The following ALG8 variants were observed in gnomAD, a reference collection of about 807,000 sequenced individuals.
ALG8 encodes ALG8 alpha-1,3-glucosyltransferase, also known as dolichyl pyrophosphate Glc1Man9GlcNAc2 alpha-1,3-glucosyltransferase.
ALG8 carries 48 observed loss-of-function variants against 70.2 expected under a neutral mutation model. That is an observed-to-expected ratio of 0.68 (90% confidence interval 0.54 to 0.87). The LOEUF is 0.87. Ranked by LOEUF, ALG8 falls within the 40% of genes least tolerant of loss-of-function variation. The pLI is 0.00. For missense variants in ALG8, 572 were observed against 608.7 expected, an observed-to-expected ratio of 0.94 and a Z score of 0.64; for synonymous variants, 234 against 229.0, an observed-to-expected ratio of 1.02 and a Z score of -0.20.
chr11:78,120,952 C>T, intron 4 of ALG8, 113 bp downstream of exon 4: 1 of 1,007,508 alleles, frequency 9.9e-7, no homozygotes, highest in Non-Finnish European at 1.5e-6. Context: ...ACCCACCCCA[C>T]ACTCATTTTC....
At chr11:78,130,344 GTC>G (rs1313681713) in intron 1 of ALG8, among the ~76,000 whole-genome samples, 64 of 4,140 alleles carry the variant, frequency 0.015, no homozygotes, top group Non-Finnish European at 0.028. Flanking sequence ...GCAAGACCCG[GTC>G]TCAAAAAAAA....
intron 1 of ALG8, among the ~76,000 whole-genome samples, chr11:78,127,763 G>GTAGT (rs1477004299): frequency 6.7e-6 from 1 of 149,124 alleles, no homozygotes; most frequent in Non-Finnish European, 1.5e-5. Flanking sequence ...AGGCTGGAGT[G>GTAGT]TAGTGGACCC....
At position 78,121,065 on chromosome 11, in the gene ALG8, G is replaced by A. The variant is rs763583384; in HGVS notation, c.478C>T (p.His160Tyr). 4.4e-6 allele frequency: 7 copies of A among 1,608,448 alleles called. No individual in the cohort carries two copies. Among genetic ancestry groups the A allele is most frequent in the East Asian group, 2.2e-5 (1 of 44,832 alleles). The change falls in exon 4 of 13, where the codon CAT becomes TAT. Residue 160 changes from histidine (H) to tyrosine (Y), a missense_variant and splice_region_variant. His to Tyr is a moderately conservative substitution (Grantham distance 83). Coordinates refer to ENST00000299626, the MANE Select transcript of ALG8 (RefSeq NM_024079.5). ...LWNFGLLIVDHIHFQYNGFLF... is the reference protein window; with the variant it reads ...LWNFGLLIVDYIHFQYNGFLF... Reference sequence around the variant, plus strand: ...ATAGTACATAGAATATCAAGGATACGGTCCACAATTAATAACCCGAAGTTC... The same window carrying A: ...ATAGTACATAGAATATCAAGGATACAGTCCACAATTAATAACCCGAAGTTC...
At chr11:78,130,361 A>AAAAAAAATAGAAAAGAAAAGAAAG (rs928560857) in intron 1 of ALG8, among the ~76,000 whole-genome samples, 1 of 132,636 alleles carries the variant, frequency 7.5e-6, no homozygotes, top group African/African-American at 3.2e-5. Context: ...AAAAAAAAAA[A>AAAAAAAATAGAAAAGAAAAGAAAG]AAAAAAGGTG....
chr11:78,127,578 A>G, intron 1 of ALG8, 142 bp from the exon 2 acceptor site: 1 of 751,054 alleles, frequency 1.3e-6, no homozygotes, highest in Non-Finnish European at 2.3e-6. Context: ...TAGACATTAC[A>G]TAATCCTGTA....
At chr11:78,111,211 T>G (rs1860272427) in intron 8 of ALG8, among the ~76,000 whole-genome samples, 1 of 152,192 alleles carries the variant, frequency 6.6e-6, no homozygotes, top group Admixed American at 6.5e-5. Context: ...CTTACTACTT[T>G]TAGCCCCCTG....
At chr11:78,106,557 A>G (rs1860041838) in intron 10 of ALG8, among the ~76,000 whole-genome samples, 1 of 152,164 alleles carries the variant, frequency 6.6e-6, no homozygotes, top group African/African-American at 2.4e-5. Context: ...GCCGGCTTTC[A>G]TGGTACTTAA....
At chr11:78,112,564 T>G (rs551226495) in intron 8 of ALG8, 86 bp downstream of exon 8, 1 of 1,584,904 alleles carries the variant, frequency 6.3e-7, no homozygotes, top group South Asian at 1.1e-5. Flanking sequence ...TCAGCCACAT[T>G]CAAAACACAA....
chr11:78,129,244 C>A (rs538481658), intron 1 of ALG8, among the ~76,000 whole-genome samples: 2 of 151,808 alleles, frequency 1.3e-5, no homozygotes, highest in East Asian at 2.0e-4. Context: ...CATGGTGAAA[C>A]CCCATCTCTA....
intron 1 of ALG8, among the ~76,000 whole-genome samples, chr11:78,128,109 A>G (rs1264866869): frequency 6.6e-6 from 1 of 152,220 alleles, no homozygotes; most frequent in Non-Finnish European, 1.5e-5. Context: ...AAGGCCTCAT[A>G]TACCAAGACA....
intron 1 of ALG8, among the ~76,000 whole-genome samples, chr11:78,131,814 C>T (rs1861320278): frequency 6.6e-6 from 1 of 152,152 alleles, no homozygotes; most frequent in African/African-American, 2.4e-5. Flanking sequence ...TCTTACTTGT[C>T]CTATGATAGC....
chr11:78,107,953 T>C (rs1860119803), intron 9 of ALG8, among the ~76,000 whole-genome samples: 1 of 151,538 alleles, frequency 6.6e-6, no homozygotes. Context: ...AAGACCAGCC[T>C]GGCCAAGATG....
intron 2 of ALG8, among the ~76,000 whole-genome samples, chr11:78,125,493 T>C (rs959975967): frequency 8.7e-5 from 13 of 150,108 alleles, no homozygotes; most frequent in African/African-American, 2.9e-4. Flanking sequence ...GGGCCGGGCA[T>C]AGTGGCTCAC....
intron 12 of ALG8, among the ~76,000 whole-genome samples, chr11:78,101,715 T>C (rs1437863109): frequency 6.6e-6 from 1 of 152,218 alleles, no homozygotes; most frequent in Non-Finnish European, 1.5e-5. Context: ...TACTCCACCA[T>C]TGACCTATGC....
At chr11:78,125,644 G>T (rs1861034864) in intron 2 of ALG8, among the ~76,000 whole-genome samples, 1 of 151,516 alleles carries the variant, frequency 6.6e-6, no homozygotes, top group African/African-American at 2.4e-5. Context: ...GGGCATGGTA[G>T]TGGGTGCCTG....
chr11:78,130,260 G>A (rs113149274), intron 1 of ALG8, among the ~76,000 whole-genome samples: 13 of 148,076 alleles, frequency 8.8e-5, no homozygotes, highest in African/African-American at 3.3e-4. Flanking sequence ...GAGGTGGGAG[G>A]ACTGCCTGAG....
At chr11:78,114,120 GA>G (rs1191065457) in intron 6 of ALG8, 131 bp from the exon 7 acceptor site, 2 of 1,394,700 alleles carry the variant, frequency 1.4e-6, no homozygotes, top group African/African-American at 2.9e-5. Flanking sequence ...CAAGAGCAGA[GA>G]AAAGCGAGAA....
At chr11:78,131,677 G>C (rs1432229076) in intron 1 of ALG8, among the ~76,000 whole-genome samples, 1 of 152,024 alleles carries the variant, frequency 6.6e-6, no homozygotes, top group Non-Finnish European at 1.5e-5. Flanking sequence ...TGTTGCCCAG[G>C]CTGGTCCCAA....
intron 12 of ALG8, among the ~76,000 whole-genome samples, chr11:78,102,558 TA>T (rs1395197270): frequency 6.6e-6 from 1 of 152,186 alleles, no homozygotes. Context: ...CTTTTGGGTA[TA>T]GGGGTGGAAT....
Sources: gnomAD v4.1 joint callset for allele counts (sites outside exome capture counted in the v4.1 genomes callset) on GRCh38, gnomAD v4.1.1 for gene constraint, MANE v1.5 for transcripts, NCBI Gene and HGNC (gene_info 2026-07-23, HGNC 2026-07-21) for gene names.